The following PCDH10 variants were observed in gnomAD, a reference collection of about 807,000 sequenced individuals.
PCDH10 encodes the protein protocadherin-10.
Under a neutral mutation model 74.4 loss-of-function variants are expected in PCDH10, and 15 were observed. The ratio of observed to expected loss-of-function variants is 0.20; its 90% CI spans 0.13 to 0.31. The LOEUF (loss-of-function observed/expected upper bound fraction) is 0.31. Ranked by LOEUF, PCDH10 falls within the 10% of genes least tolerant of loss-of-function variation. The probability of loss-of-function intolerance (pLI) is 1.00; values close to 1 mark genes in which losing one functional copy is unlikely to be tolerated. For missense variants in PCDH10, 1,260 were observed against 1,390.2 expected (o/e 0.91, Z 1.49); for synonymous variants, 619 against 589.8 (o/e 1.05, Z -0.72).
chr4:133,173,748 A>G (rs1346910921), intron 4 of PCDH10, among the ~76,000 whole-genome samples: 3 of 148,378 alleles, frequency 2.0e-5, no homozygotes, highest in Non-Finnish European at 3.0e-5. Context: ...TTTTTTTGTC[A>G]TCTCACATGT....
At chr4:133,181,876 C>T (rs1727425919) in intron 4 of PCDH10, among the ~76,000 whole-genome samples, 1 of 151,934 alleles carries the variant, frequency 6.6e-6, no homozygotes, top group African/African-American at 2.4e-5. Context: ...TTTGAATAGG[C>T]GTTTAGAAAT....
chr4:133,173,126 G>A (rs555437865), intron 4 of PCDH10, among the ~76,000 whole-genome samples: 6 of 151,922 alleles, frequency 3.9e-5, no homozygotes, highest in East Asian at 1.9e-4. Flanking sequence ...TTCTTTGAAC[G>A]CAGATTAGAA....
At chr4:133,156,142 A>T (rs1002020441) in intron 3 of PCDH10, among the ~76,000 whole-genome samples, 1 of 152,164 alleles carries the variant, frequency 6.6e-6, no homozygotes, top group Non-Finnish European at 1.5e-5. Flanking sequence ...CCCATTCCTT[A>T]ACACACTTGT....
rs368787756 is a variant in PCDH10 at position 133,152,273 on chromosome 4, G to T, written c.2133G>T (p.Ser711=). 23 of 1,613,912 alleles carry T rather than the reference G, an allele frequency of 1.4e-5. No individual in the cohort carries two copies. In the African/African-American group the frequency reaches 3.1e-4, roughly 22 times the overall value. The change falls in exon 1 of 5, where the codon TCG becomes TCT. Residue 711 remains serine (S), a synonymous_variant. Coordinates refer to ENST00000264360, the MANE Select transcript of PCDH10 (RefSeq NM_032961.3). ...RPSRSGGGET[S]LDLTLILIIA... Reference sequence around the variant, plus strand: ...GTCGCTCTGGCGGCGGGGAAACCTCGCTAGACCTCACCCTCATCCTCATCA... The same window carrying T: ...GTCGCTCTGGCGGCGGGGAAACCTCTCTAGACCTCACCCTCATCCTCATCA...
At chr4:133,156,922 C>T (rs1412392119) in intron 3 of PCDH10, among the ~76,000 whole-genome samples, 2 of 152,126 alleles carry the variant, frequency 1.3e-5, no homozygotes, top group South Asian at 4.1e-4. Context: ...CTCAGTGTTA[C>T]CATTTCTGTA....
chr4:133,184,776 A>C (rs1333634049), intron 4 of PCDH10, among the ~76,000 whole-genome samples: 9 of 137,968 alleles, frequency 6.5e-5, no homozygotes, highest in Admixed American at 2.3e-4. Context: ...ATATATAAAT[A>C]TATATATAAA....
At position 133,150,793 on chromosome 4, in the gene PCDH10, G is replaced by A; in HGVS notation, c.653G>A (p.Gly218Asp). 6.3e-7 allele frequency: 1 copy of A among 1,579,884 alleles called. No homozygotes were observed. The highest frequency in any genetic ancestry group is 1.2e-5 in the South Asian group (1 of 86,786). ...GGAGGAGTAGGAGAAGGAGGGGGAG[G>A]TGGCGGGGGAGCAGGCCTGCCCCCC... Reference protein sequence around the residue: ...GGGGVGEGGGGGGGAGLPPQQ... With the variant: ...GGGGVGEGGGDGGGAGLPPQQ... The change falls in exon 1 of 5, where the codon GGT becomes GAT. Residue 218 changes from glycine (G) to aspartate (D), a missense_variant. Coordinates refer to ENST00000264360, the MANE Select transcript of PCDH10 (RefSeq NM_032961.3).
chr4:133,169,518 AT>A (rs1420799749), intron 4 of PCDH10, among the ~76,000 whole-genome samples: 1 of 151,802 alleles, frequency 6.6e-6, no homozygotes, highest in Non-Finnish European at 1.5e-5. Context: ...TATATACCTC[AT>A]TTTATATTAC....
At chr4:133,187,700 C>G (rs1727572047) in intron 4 of PCDH10, among the ~76,000 whole-genome samples, 1 of 151,948 alleles carries the variant, frequency 6.6e-6, no homozygotes, top group South Asian at 2.1e-4. Context: ...CTCTAAGCAG[C>G]AATTAAAAGA....
chr4:133,195,441 A>G (rs1457955720), downstream of PCDH10, among the ~76,000 whole-genome samples: 1 of 150,772 alleles, frequency 6.6e-6, no homozygotes, highest in Non-Finnish European at 1.5e-5. Flanking sequence ...CTATGATTAC[A>G]AGTTGCCTTG....
intron 3 of PCDH10, among the ~76,000 whole-genome samples, chr4:133,156,341 G>A (rs1726863753): frequency 6.6e-6 from 1 of 152,230 alleles, no homozygotes; most frequent in African/African-American, 2.4e-5. Flanking sequence ...ATATTGCTGT[G>A]AGTCATTAAT....
chr4:133,154,500 A>G (rs1322521912), intron 2 of PCDH10, 135 bp downstream of exon 2: 1 of 582,398 alleles, frequency 1.7e-6, no homozygotes, highest in African/African-American at 1.9e-5. Context: ...AATATGAACT[A>G]TATTGTGTTT....
intron 4 of PCDH10, chr4:133,163,782 G>A: frequency 2.8e-6 from 1 of 359,250 alleles, no homozygotes; most frequent in South Asian, 2.2e-5. Context: ...AAAAATAACT[G>A]TGGAACTTAT....
At chr4:133,181,368 T>C (rs1727412711) in intron 4 of PCDH10, among the ~76,000 whole-genome samples, 1 of 152,036 alleles carries the variant, frequency 6.6e-6, no homozygotes, top group Non-Finnish European at 1.5e-5. Context: ...TTATACAAAC[T>C]CGTCCTATAC....
intron 3 of PCDH10, among the ~76,000 whole-genome samples, chr4:133,160,279 A>G (rs1726940849): frequency 6.6e-6 from 1 of 151,942 alleles, no homozygotes; most frequent in Non-Finnish European, 1.5e-5. Context: ...GAAGCTGTAT[A>G]TTATTACTAA....
intron 2 of PCDH10, among the ~76,000 whole-genome samples, chr4:133,205,728 C>T (rs1727986994): frequency 6.6e-6 from 1 of 151,822 alleles, no homozygotes. Context: ...AGGGTATTTT[C>T]TTATGTATCT....
chr4:133,198,916 G>A (rs1727847653), downstream of PCDH10, among the ~76,000 whole-genome samples: 1 of 91,290 alleles, frequency 1.1e-5, no homozygotes, highest in Non-Finnish European at 2.1e-5. Context: ...GTCTATCCCA[G>A]TCCTAGATAT....
chr4:133,189,054 T>A (rs1180182827), intron 4 of PCDH10, among the ~76,000 whole-genome samples: 1 of 152,040 alleles, frequency 6.6e-6, no homozygotes, highest in African/African-American at 2.4e-5. Context: ...ACTGAGCTTT[T>A]GAGGAAAAAT....
chr4:133,178,518 G>A (rs935691447), intron 4 of PCDH10, among the ~76,000 whole-genome samples: 1 of 151,324 alleles, frequency 6.6e-6, no homozygotes, highest in South Asian at 2.1e-4. Context: ...TTACAGGCAT[G>A]AGCCACCCGG....
Sources: gnomAD v4.1 joint callset for allele counts (sites outside exome capture counted in the v4.1 genomes callset) on GRCh38, gnomAD v4.1.1 for gene constraint, MANE v1.5 for transcripts, NCBI Gene and HGNC (gene_info 2026-07-23, HGNC 2026-07-21) for gene names.